Variants in JAKMIP3 observed in about 807,000 individuals in gnomAD.
JAKMIP3 encodes janus kinase and microtubule-interacting protein 3.
A neutral mutation model predicts 118.5 loss-of-function variants in JAKMIP3; 58 were observed. That is an observed-to-expected ratio of 0.49 (90% confidence interval 0.40 to 0.61). The LOEUF is 0.61. JAKMIP3 is among the 20% of genes least tolerant of loss of function. The pLI is 0.00. For missense variants in JAKMIP3, 950 were observed against 1,109.0 expected (o/e 0.86, Z 2.04); for synonymous variants, 486 against 451.2 (o/e 1.08, Z -0.98).
At chr10:132,069,424 G>A (rs1040334910) in intron 1 of JAKMIP3, among the ~76,000 whole-genome samples, 4 of 152,154 alleles carry the variant, frequency 2.6e-5, no homozygotes, top group Non-Finnish European at 5.9e-5. Flanking sequence ...GAGCAGGAAG[G>A]GGCCTGGAAT....
intron 1 of JAKMIP3, among the ~76,000 whole-genome samples, chr10:132,043,504 G>C (rs1160470141): frequency 6.6e-6 from 1 of 152,220 alleles, no homozygotes; most frequent in Non-Finnish European, 1.5e-5. Flanking sequence ...GAATCCAGGG[G>C]GAAACGGGGT....
rs28564559 is a variant in JAKMIP3, at chr10:132,180,776, T to C, written c.*1104-1581T>C. Among the ~76,000 whole-genome samples the C allele has an allele frequency of 0.057, 2,529 of 44,602 alleles. 782 individuals carry two copies. The East Asian group carries it at 0.71, about 13-fold the overall frequency. 29.3% of individuals were successfully genotyped at this position (44,602 alleles called of 152,430 possible). A position where few individuals can be genotyped will look rare whatever the true frequency, so the allele number is the denominator to read the frequency against. The stretch of plus-strand genomic sequence containing the variant: ...GCGTGTGTGCGTGTGTGTGCGTGTG[T>C]GTGTGTGCGCGTATGCATGTGCTGT... On this transcript the variant is annotated intron_variant, in intron 23 of 23. Coordinates refer to ENST00000684848, the MANE Select transcript of JAKMIP3 (RefSeq NM_001323087.2).
intron 1 of JAKMIP3, among the ~76,000 whole-genome samples, chr10:132,045,237 C>T (rs572152219): frequency 2.0e-5 from 3 of 152,204 alleles, no homozygotes; most frequent in Middle Eastern, 3.4e-3. Context: ...GCAGGTGGCT[C>T]GCTGCAGCTG....
Position 132,136,004 on chromosome 10 carries a change from C to T in JAKMIP3, c.1044C>T (p.Asn348=), listed in dbSNP as rs774112509. 6.3e-5 allele frequency: 102 copies of T among 1,613,370 alleles called. No homozygotes were observed. The East Asian group carries it at 1.3e-3, about 20-fold the overall frequency. ...LDKNKRLSRK[N]EDLSHALRRM... ...AAAACAAGCGCCTCAGTCGGAAGAA[C>T]GAGGATTTGTCTCATGCTTTACGCC... The change falls in exon 6 of 24, where the codon AAC becomes AAT. Residue 348 remains asparagine, a synonymous_variant. Coordinates refer to ENST00000684848, the MANE Select transcript of JAKMIP3 (RefSeq NM_001323087.2).
At chr10:132,147,818 C>G in intron 13 of JAKMIP3, 134 bp from the exon 14 acceptor site, 1 of 614,554 alleles carries the variant, frequency 1.6e-6, no homozygotes, top group Non-Finnish European at 2.9e-6. Flanking sequence ...CTGTGAGGCG[C>G]TTCCAGGGCT....
intron 19 of JAKMIP3, among the ~76,000 whole-genome samples, chr10:132,156,394 C>G (rs869253): frequency 6.6e-6 from 1 of 152,166 alleles, no homozygotes; most frequent in African/African-American, 2.4e-5. Flanking sequence ...TGTTGCTGCC[C>G]GGGTGGAGAG....
At chr10:132,173,019 CT>C (rs2059693530) in intron 23 of JAKMIP3, among the ~76,000 whole-genome samples, 1 of 26,914 alleles carries the variant, frequency 3.7e-5, no homozygotes, top group Non-Finnish European at 7.5e-5. Context: ...CTCTCTCCCT[CT>C]CTCTCTCCTT....
intron 1 of JAKMIP3, among the ~76,000 whole-genome samples, chr10:132,070,765 A>G (rs1268140101): frequency 6.6e-6 from 1 of 152,230 alleles, no homozygotes; most frequent in Non-Finnish European, 1.5e-5. Context: ...ATGGTGGCAC[A>G]TGTCATAGTT....
chr10:132,177,555 G>A (rs2060267240), intron 23 of JAKMIP3, among the ~76,000 whole-genome samples: 1 of 146,766 alleles, frequency 6.8e-6, no homozygotes, highest in Non-Finnish European at 1.5e-5. Context: ...GCATTTGGTC[G>A]TGTGTGCGCA....
intron 23 of JAKMIP3, among the ~76,000 whole-genome samples, chr10:132,180,748 C>CGTGTGTGTGTGTGTGT (rs1389047093): frequency 6.0e-4 from 5 of 8,328 alleles, no homozygotes; most frequent in Admixed American, 1.3e-3. Context: ...CGTGCGTGCG[C>CGTGTGTGTGTGTGTGT]GCGCGTGTGT....
chr10:132,043,221 T>C (rs1333845149), intron 1 of JAKMIP3, among the ~76,000 whole-genome samples: 1 of 152,190 alleles, frequency 6.6e-6, no homozygotes, highest in Non-Finnish European at 1.5e-5. Flanking sequence ...TTTAATTTTT[T>C]TCTTTTTGAG....
At chr10:132,130,724 C>T (rs1053866078) in intron 3 of JAKMIP3, among the ~76,000 whole-genome samples, 1 of 152,192 alleles carries the variant, frequency 6.6e-6, no homozygotes, top group Admixed American at 6.5e-5. Flanking sequence ...GGGGTGATGA[C>T]GTGGCCTGTG....
intron 1 of JAKMIP3, among the ~76,000 whole-genome samples, chr10:132,085,140 A>G (rs150492853): frequency 6.6e-6 from 1 of 151,584 alleles, no homozygotes; most frequent in Non-Finnish European, 1.5e-5. Flanking sequence ...TAGTGTCAAT[A>G]GGATTGGTAC....
chr10:132,175,645 G>T (rs1462111015), intron 23 of JAKMIP3, among the ~76,000 whole-genome samples: 1 of 152,162 alleles, frequency 6.6e-6, no homozygotes, highest in Non-Finnish European at 1.5e-5. Flanking sequence ...TGTGGAGCAG[G>T]CGCCTGAATG....
chr10:132,137,344 G>T, intron 8 of JAKMIP3, 55 bp downstream of exon 8: 1 of 1,603,990 alleles, frequency 6.2e-7, no homozygotes, highest in Non-Finnish European at 8.5e-7. Context: ...GCAGTTGCCC[G>T]TGGGACCCAT....
At chr10:132,120,788 G>A (rs1176269435) in intron 3 of JAKMIP3, among the ~76,000 whole-genome samples, 6 of 152,286 alleles carry the variant, frequency 3.9e-5, no homozygotes, top group Admixed American at 2.0e-4. Flanking sequence ...TTTTAAGGCC[G>A]TCATTTATGA....
At chr10:132,068,603 C>T (rs2039315314) in intron 1 of JAKMIP3, among the ~76,000 whole-genome samples, 2 of 152,154 alleles carry the variant, frequency 1.3e-5, no homozygotes, top group African/African-American at 4.8e-5. Context: ...CTTTGGGAGC[C>T]GGAGACTGGA....
Position 132,149,491 on chromosome 10 carries a change from G to A in JAKMIP3, c.1928G>A (p.Cys643Tyr). 2 of 1,590,578 alleles carry A rather than the reference G, an allele frequency of 1.3e-6. No homozygotes were observed. The highest frequency in any genetic ancestry group is 1.7e-6 in the Non-Finnish European group (2 of 1,171,590). ...GGGAAGAGCCCCCTCCAGGTGTACT[G>A]CGAGGCCGAAGGTGTGACGGTGAGT... ...VDGKSPLQVY[C>Y]EAEGVTDIVV... is the part of the protein sequence containing the mutation. Residue 643 changes from cysteine (C) to tyrosine (Y), a missense_variant, in exon 15 of 24, where the codon TGC becomes TAC. Physicochemically the swap from Cys to Tyr is radical, Grantham distance 194 (BLOSUM62 -2). Transcript: ENST00000684848.
chr10:132,115,629 AT>A (rs1361401724), intron 2 of JAKMIP3, among the ~76,000 whole-genome samples: 1 of 152,244 alleles, frequency 6.6e-6, no homozygotes, highest in Non-Finnish European at 1.5e-5. Context: ...CGTAAAGGAA[AT>A]AGTGCTTAAA....
Sources: gnomAD v4.1 joint callset for allele counts (sites outside exome capture counted in the v4.1 genomes callset) on GRCh38, gnomAD v4.1.1 for gene constraint, MANE v1.5 for transcripts, NCBI Gene and HGNC (gene_info 2026-07-23, HGNC 2026-07-21) for gene names.